SYF2: variants seen among roughly 807,000 people sequenced by gnomAD.
The protein encoded by SYF2 is pre-mRNA-splicing factor SYF2.
A neutral mutation model predicts 32.7 loss-of-function variants in SYF2; 21 were observed. The observed-to-expected ratio is 0.64, with a 90% CI of 0.45 to 0.92. The LOEUF is 0.92. Among genes scored for constraint, SYF2 ranks in the 40% least tolerant of loss-of-function variants. SYF2 has a pLI of 0.00. For synonymous variants in SYF2, 114 were observed against 103.9 expected (o/e 1.10, Z -0.59); for missense variants, 278 against 296.5 (o/e 0.94, Z 0.46).
Position 25,228,194 on chromosome 1 carries a change from C to G in SYF2, c.300G>C (p.Leu100Phe). The G allele has an allele frequency of 6.2e-7, 1 of 1,613,702 alleles. No individual in the cohort carries two copies. Among genetic ancestry groups the G allele is most frequent in the Non-Finnish European group, 8.5e-7 (1 of 1,179,996 alleles). The change falls in exon 4 of 7, where the codon TTG becomes TTC. Residue 100 changes from leucine to phenylalanine, a missense_variant. Leu to Phe is a conservative substitution (Grantham distance 22). Coordinates refer to ENST00000236273, the MANE Select transcript of SYF2 (RefSeq NM_015484.5). ...CTGCATCTTCTGCACTGATCTCCAG[C>G]AACTTCACTTTCTCATAGTCTTCTC... The part of the protein sequence containing the change: ...ARGEDYEKVK[L>F]LEISAEDAER...
At position 25,232,221 on chromosome 1, in the gene SYF2, G is replaced by A; in HGVS notation, c.25-10C>T. ...CGCTGTCCACCAGCACCTGCGACAAGGAGAACTGGCTTCAGGCAGAGCCGG... is the reference window on the plus strand; with the variant it reads ...CGCTGTCCACCAGCACCTGCGACAAAGAGAACTGGCTTCAGGCAGAGCCGG... On this transcript the variant is annotated splice_polypyrimidine_tract_variant and intron_variant, in intron 1 of 6. Coordinates refer to ENST00000236273, the MANE Select transcript of SYF2 (RefSeq NM_015484.5). 5 of 1,612,120 alleles carry A rather than the reference G, an allele frequency of 3.1e-6. No individual in the cohort carries two copies. Among genetic ancestry groups the A allele is most frequent in the South Asian group, 1.1e-5 (1 of 90,836 alleles).
At chr1:25,226,964 G>A (rs925623704) in intron 5 of SYF2, among the ~76,000 whole-genome samples, 4 of 151,074 alleles carry the variant, frequency 2.6e-5, no homozygotes, top group Admixed American at 2.0e-4. Context: ...TTAAGCAACA[G>A]AGCGAGACAC....
chr1:25,232,235 A>G (rs1638646777), intron 1 of SYF2, 24 bp from the exon 2 acceptor site: 3 of 1,606,410 alleles, frequency 1.9e-6, no homozygotes, highest in Non-Finnish European at 1.7e-6. Flanking sequence ...AACTGGCTTC[A>G]GGCAGAGCCG....
intron 1 of SYF2, 52 bp from the exon 2 acceptor site, chr1:25,232,263 A>G (rs1557472706): frequency 2.5e-6 from 4 of 1,577,644 alleles, no homozygotes; most frequent in Middle Eastern, 3.9e-4. Context: ...TTCTCCCAGG[A>G]CTGCCCAGGC....
rs1396260741 is a variant in SYF2, at chr1:25,229,774, C to CAAA, written c.133-654_133-652dup. ...TGGGTGACAGAGCGAGACTCCATCT[C>CAAA]AAAAAAAAAAAAAAAAATTACGTCA... On this transcript the variant is annotated intron_variant, in intron 2 of 6. Transcript: ENST00000236273. Among the ~76,000 whole-genome samples the CAAA allele has an allele frequency of 5.8e-3, 512 of 87,524 alleles. 1 individual carries two copies. The highest frequency in any genetic ancestry group is 0.01 in the Non-Finnish European group (434 of 42,100). 57.4% of individuals were successfully genotyped at this position (87,524 alleles called of 152,430 possible). A position where few individuals can be genotyped will look rare whatever the true frequency, so the allele number is the denominator to read the frequency against.
chr1:25,227,386 TACACACAC>T, intron 5 of SYF2, 48 bp downstream of exon 5: 2 of 1,326,952 alleles, frequency 1.5e-6, no homozygotes. Context: ...TGTACATGTA[TACACACAC>T]ACACACACAA....
intron 6 of SYF2, among the ~76,000 whole-genome samples, 179 bp from the exon 7 acceptor site, chr1:25,223,610 A>C (rs1166806630): frequency 6.6e-6 from 1 of 152,226 alleles, no homozygotes; most frequent in Admixed American, 6.5e-5. Context: ...AACTCAGAAT[A>C]TGAACTGTGA....
At chr1:25,226,365 T>C (rs1638509409) in intron 5 of SYF2, among the ~76,000 whole-genome samples, 3 of 152,178 alleles carry the variant, frequency 2.0e-5, no homozygotes, top group Admixed American at 1.3e-4. Context: ...GCTGCCAAAC[T>C]ACAGCAGCCC....
chr1:25,232,254 T>C, intron 1 of SYF2, 43 bp from the exon 2 acceptor site: 2 of 1,588,922 alleles, frequency 1.3e-6, no homozygotes, highest in South Asian at 1.1e-5. Context: ...CGGCTCAGCT[T>C]CTCCCAGGAC....
At chr1:25,228,095 G>A (rs780055796) in intron 4 of SYF2, 23 bp downstream of exon 4, 3 of 1,576,626 alleles carry the variant, frequency 1.9e-6, no homozygotes, top group African/African-American at 2.7e-5. Context: ...CAGTCAATAA[G>A]GTTCAATAAA....
rs1259506029 is a variant in SYF2 at position 25,227,451 on chromosome 1, C to T, written c.458G>A (p.Arg153Lys). Residue 153 changes from arginine to lysine, a missense_variant, in exon 5 of 7, where the codon AGA becomes AAA. Coordinates refer to ENST00000236273, the MANE Select transcript of SYF2 (RefSeq NM_015484.5). ...KPDMETYERLREKHGEEFFPT... is the reference protein window; with the variant it reads ...KPDMETYERLKEKHGEEFFPT... Reference sequence around the variant, plus strand: ...TTGAAAAAGGACTTACTGTTTTTCTCTCAGTCTCTCATATGTTTCCATGTC... The same window carrying T: ...TTGAAAAAGGACTTACTGTTTTTCTTTCAGTCTCTCATATGTTTCCATGTC... The T allele has an allele frequency of 1.9e-6, 3 of 1,613,344 alleles. No individual in the cohort carries two copies. The highest frequency in any genetic ancestry group is 1.7e-6 in the Non-Finnish European group (2 of 1,179,804).
intron 4 of SYF2, among the ~76,000 whole-genome samples, chr1:25,227,790 G>C (rs964679983): frequency 6.6e-6 from 1 of 152,036 alleles, no homozygotes; most frequent in Non-Finnish European, 1.5e-5. Flanking sequence ...GCAACATTTG[G>C]GATTTCAGAT....
At chr1:25,226,575 C>T (rs768803014) in intron 5 of SYF2, among the ~76,000 whole-genome samples, 3 of 152,198 alleles carry the variant, frequency 2.0e-5, no homozygotes, top group African/African-American at 4.8e-5. Flanking sequence ...TAAGTAACTA[C>T]GACAATCAGG....
At chr1:25,227,152 G>A (rs957113316) in intron 5 of SYF2, among the ~76,000 whole-genome samples, 2 of 151,946 alleles carry the variant, frequency 1.3e-5, no homozygotes, top group Non-Finnish European at 2.9e-5. Context: ...GCGTGGTGGC[G>A]GGCGCCTGTA....
In SYF2 at chr1:25,223,331, C is replaced by T. The variant is rs765059899; in HGVS notation, c.667G>A (p.Glu223Lys). The change falls in exon 7 of 7, where the codon GAA (glutamate) becomes AAA (lysine). Residue 223 changes from glutamate (E) to lysine (K), a missense_variant. Glu to Lys is a moderately conservative substitution (Grantham distance 56). Transcript: ENST00000236273. The stretch of plus-strand genomic sequence containing the variant: ...GCTGTGTATTTCCCATAGAATCTTT[C>T]AGCTTTCTTGTTGAATTTGGCATTC... ...ERNAKFNKKA[E>K]RFYGKYTAEI... 1.2e-6 allele frequency: 2 copies of T among 1,613,910 alleles called. No homozygotes were observed. Among genetic ancestry groups the T allele is most frequent in the Non-Finnish European group, 1.7e-6 (2 of 1,179,958 alleles).
chr1:25,223,532 T>G, intron 6 of SYF2, 101 bp from the exon 7 acceptor site: 1 of 1,190,236 alleles, frequency 8.4e-7, no homozygotes, highest in Non-Finnish European at 1.2e-6. Context: ...GAATAGCACA[T>G]GTTGTGAGGG....
At chr1:25,232,371 C>T in intron 1 of SYF2, 73 bp downstream of exon 1, 1 of 1,612,138 alleles carries the variant, frequency 6.2e-7, no homozygotes, top group Admixed American at 1.7e-5. Flanking sequence ...TAGACTTCGC[C>T]TCCACCTCTC....
At chr1:25,223,848 C>G (rs1326347620) in intron 6 of SYF2, among the ~76,000 whole-genome samples, 1 of 151,938 alleles carries the variant, frequency 6.6e-6, no homozygotes, top group Non-Finnish European at 1.5e-5. Flanking sequence ...GACTCCATCA[C>G]TATAAAAAAA....
chr1:25,227,392 C>A lies in SYF2; in HGVS notation c.467+50G>T, dbSNP rs553496732. On this transcript the variant is annotated intron_variant, in intron 5 of 6. Transcript: ENST00000236273. ...TTCTATTTATGTACATGTATACACA[C>A]ACACACACACAAATACATCCACATC... is the stretch of plus-strand genomic sequence containing the variant. 11 of 1,417,872 alleles carry A rather than the reference C, an allele frequency of 7.8e-6. No individual in the cohort carries two copies. The South Asian group carries it at 1.3e-4, about 17-fold the overall frequency. The allele number at this position is 1,417,872 out of a possible 1,614,324, so 87.8% of individuals were successfully genotyped here. A position where few individuals can be genotyped will look rare whatever the true frequency, so the allele number is the denominator to read the frequency against.
Sources: gnomAD v4.1 joint callset for allele counts (sites outside exome capture counted in the v4.1 genomes callset) on GRCh38, gnomAD v4.1.1 for gene constraint, MANE v1.5 for transcripts, NCBI Gene and HGNC (gene_info 2026-07-23, HGNC 2026-07-21) for gene names.